ZNF813: variants seen among roughly 807,000 people sequenced by gnomAD.
The protein encoded by ZNF813 is zinc finger protein 813.
Under a neutral mutation model 7.2 loss-of-function variants are expected in ZNF813, and 3 were observed. That is an observed-to-expected ratio of 0.42 (90% confidence interval 0.19 to 1.08). The LOEUF is 1.08. ZNF813 is among the 50% of genes least tolerant of loss of function. ZNF813 has a pLI of 0.30. For missense variants in ZNF813, 714 were observed against 753.3 expected (o/e 0.95, Z 0.61); for synonymous variants, 227 against 256.3 (o/e 0.89, Z 1.09).
At chr19:53,476,678 G>C (rs908605774) in intron 1 of ZNF813, among the ~76,000 whole-genome samples, 12 of 151,730 alleles carry the variant, frequency 7.9e-5, no homozygotes, top group Non-Finnish European at 1.3e-4. Flanking sequence ...GTTTGAGACG[G>C]AGTCTCACTC....
At chr19:53,473,262 G>A (rs536283146) in intron 1 of ZNF813, among the ~76,000 whole-genome samples, 1 of 152,320 alleles carries the variant, frequency 6.6e-6, no homozygotes, top group East Asian at 1.9e-4. Context: ...GCGTAGACTA[G>A]TCAGCTTCTG....
At chr19:53,468,894 G>A (rs980977767) in intron 1 of ZNF813, among the ~76,000 whole-genome samples, 21 of 151,870 alleles carry the variant, frequency 1.4e-4, no homozygotes, top group African/African-American at 4.4e-4. Context: ...CTCCTCCTCA[G>A]CACAGACTCT....
intron 2 of ZNF813, among the ~76,000 whole-genome samples, chr19:53,484,465 G>A (rs1215484664): frequency 2.6e-5 from 4 of 152,166 alleles, no homozygotes; most frequent in Non-Finnish European, 4.4e-5. Flanking sequence ...AGCACATTAC[G>A]CTCATGGAGA....
chr19:53,473,713 G>T (rs2086369990), intron 1 of ZNF813, among the ~76,000 whole-genome samples: 1 of 152,200 alleles, frequency 6.6e-6, no homozygotes. Flanking sequence ...CTCATATTCA[G>T]TTATGGGCTT....
intron 1 of ZNF813, among the ~76,000 whole-genome samples, chr19:53,482,823 C>T (rs1406158685): frequency 7.0e-6 from 1 of 142,656 alleles, no homozygotes; most frequent in Non-Finnish European, 1.5e-5. Flanking sequence ...TTCCTGGGTT[C>T]AAGTGATTCT....
intron 1 of ZNF813, among the ~76,000 whole-genome samples, chr19:53,478,810 A>T (rs749965536): frequency 2.0e-5 from 3 of 152,162 alleles, no homozygotes. Flanking sequence ...AAAATAAAAT[A>T]AAAAACAAAA....
intron 3 of ZNF813, among the ~76,000 whole-genome samples, chr19:53,488,941 T>A (rs1460828404): frequency 6.6e-6 from 1 of 152,176 alleles, no homozygotes. Flanking sequence ...TACTAACTAA[T>A]TTTTATGATT....
At chr19:53,488,370 T>C in intron 3 of ZNF813, 1 of 360,680 alleles carries the variant, frequency 2.8e-6, no homozygotes, top group Non-Finnish European at 5.5e-6. Context: ...TATATATTTG[T>C]GGGTTGGAGT....
At chr19:53,490,339 C>T in intron 3 of ZNF813, 36 bp from the exon 4 acceptor site, 1 of 1,607,670 alleles carries the variant, frequency 6.2e-7, no homozygotes, top group South Asian at 1.1e-5. Flanking sequence ...ACCATCTGTA[C>T]TGAACTGGAA....
intron 1 of ZNF813, among the ~76,000 whole-genome samples, chr19:53,474,460 G>T (rs2086373113): frequency 6.6e-6 from 1 of 152,082 alleles, no homozygotes; most frequent in Non-Finnish European, 1.5e-5. Context: ...AGGCCAAGGT[G>T]GGCAGATCAT....
chr19:53,483,862 G>C (rs767808909), intron 2 of ZNF813, 25 bp downstream of exon 2: 373 of 1,613,890 alleles, frequency 2.3e-4, no homozygotes, highest in Non-Finnish European at 3.0e-4. Context: ...TTGGTGGATT[G>C]TTCTGTCTCC....
At chr19:53,478,876 G>T (rs2086393972) in intron 1 of ZNF813, among the ~76,000 whole-genome samples, 1 of 148,234 alleles carries the variant, frequency 6.7e-6, no homozygotes, top group African/African-American at 2.5e-5. Flanking sequence ...TATTTTCTTT[G>T]TTTCCTCTTC....
intron 3 of ZNF813, among the ~76,000 whole-genome samples, chr19:53,486,995 T>TAA (rs980556950): frequency 1.3e-5 from 2 of 149,040 alleles, no homozygotes; most frequent in African/African-American, 2.5e-5. Flanking sequence ...TTTTTTTTTT[T>TAA]TTTTTTTTTA....
chr19:53,492,450 GA>G lies in ZNF813; in HGVS notation c.*367del. 1 of 417,936 alleles carries G rather than the reference GA, an allele frequency of 2.4e-6. No individual in the cohort carries two copies. The allele number at this position is 417,936 out of a possible 1,614,324, so 25.9% of individuals were successfully genotyped here. A position where few individuals can be genotyped will look rare whatever the true frequency, so the allele number is the denominator to read the frequency against. On this transcript the variant is annotated 3_prime_UTR_variant, in exon 4 of 4. Coordinates refer to ENST00000396403, the MANE Select transcript of ZNF813 (RefSeq NM_001004301.4). ...GACATAAAATAAATCATACTGCAGA[GA>G]AACCATAAAATTGTAAGAGTTCGTG...
chr19:53,468,217 G>T (rs1381754544), intron 1 of ZNF813, among the ~76,000 whole-genome samples: 2 of 30,928 alleles, frequency 6.5e-5, no homozygotes, highest in Non-Finnish European at 7.3e-5. Context: ...AGGCGCCCTC[G>T]CGCCCCCCCC....
At chr19:53,489,152 C>T (rs138478810) in intron 3 of ZNF813, among the ~76,000 whole-genome samples, 1 of 151,740 alleles carries the variant, frequency 6.6e-6, no homozygotes, top group Admixed American at 6.5e-5. Flanking sequence ...GGATTACAGG[C>T]ATGAGCCACC....
intron 3 of ZNF813, 147 bp from the exon 4 acceptor site, chr19:53,490,228 A>G: frequency 1.0e-6 from 1 of 960,056 alleles, no homozygotes; most frequent in Non-Finnish European, 1.5e-6. Flanking sequence ...TTTATCTAAT[A>G]AAGAATCTTA....
At position 53,478,901 on chromosome 19, in the gene ZNF813, T is replaced by C. The variant is rs186337878; in HGVS notation, c.-73-4849T>C. ...GTTTCCTCTTCATTGCTTTTTTTTT[T>C]TTTCAGTTTGAGATAAATTGTAGGT... On this transcript the variant is annotated intron_variant, in intron 1 of 3. Transcript: ENST00000396403. Among the ~76,000 whole-genome samples, 356 of 152,172 alleles carry C rather than the reference T, an allele frequency of 2.3e-3. 3 individuals are homozygous for C. The highest frequency in any genetic ancestry group is 0.017 in the Middle Eastern group (5 of 294).
rs1435984150 is a variant in ZNF813 at position 53,493,384 on chromosome 19, G to A, written c.*1298G>A. The A allele has an allele frequency of 6.5e-6, 1 of 152,720 alleles. No individual in the cohort carries two copies. The highest frequency in any genetic ancestry group is 2.4e-5 in the African/African-American group (1 of 41,418). 9.5% of individuals were successfully genotyped at this position (152,720 alleles called of 1,614,324 possible). A position where few individuals can be genotyped will look rare whatever the true frequency, so the allele number is the denominator to read the frequency against. ...TGTATATGTTTTTAATCATATTGAT[G>A]TATATTTGTAGATTTCAAGGTACAA... is the stretch of plus-strand genomic sequence containing the variant. On this transcript the variant is annotated 3_prime_UTR_variant, in exon 4 of 4. Transcript: ENST00000396403.
Sources: allele counts gnomAD v4.1 joint callset (sites outside exome capture counted in the v4.1 genomes callset), GRCh38; gene constraint gnomAD v4.1.1; transcripts MANE v1.5; gene names NCBI Gene and HGNC (gene_info 2026-07-23, HGNC 2026-07-21).